Variants in RBFOX1 observed in about 807,000 individuals in gnomAD.
RBFOX1 encodes RNA binding fox-1 homolog 1.
Under a neutral mutation model 57.7 loss-of-function variants are expected in RBFOX1, and 8 were observed. The ratio of observed to expected loss-of-function variants is 0.14; its 90% confidence interval spans 0.08 to 0.25. The LOEUF (loss-of-function observed/expected upper bound fraction) is 0.25, where lower values mean the gene tolerates loss of function less well. RBFOX1 is among the 10% of genes least tolerant of loss of function. The pLI, the probability that RBFOX1 is intolerant of heterozygous loss-of-function variation, is 1.00. For synonymous variants in RBFOX1, 326 were observed against 222.4 expected (o/e 1.47, Z -4.15); for missense variants, 611 against 548.5 (o/e 1.11, Z -1.14).
At chr16:6,943,830 A>C (rs1442582357) in intron 3 of RBFOX1, among the ~76,000 whole-genome samples, 1 of 152,182 alleles carries the variant, frequency 6.6e-6, no homozygotes, top group Admixed American at 6.5e-5. Flanking sequence ...AAATAAGGCA[A>C]ACGCTGAGCT....
chr16:7,681,966 G>C (rs1343000535), intron 14 of RBFOX1, among the ~76,000 whole-genome samples: 1 of 152,124 alleles, frequency 6.6e-6, no homozygotes, highest in Non-Finnish European at 1.5e-5. Flanking sequence ...CGTATTGAAA[G>C]CAGTATCTCC....
chr16:6,266,671 G>A (rs963356622), intron 1 of RBFOX1, among the ~76,000 whole-genome samples: 42 of 150,978 alleles, frequency 2.8e-4, no homozygotes, highest in Non-Finnish European at 4.0e-4. Context: ...CTGAGATCGC[G>A]CCATTGCACT....
intron 3 of RBFOX1, among the ~76,000 whole-genome samples, chr16:6,849,104 T>C (rs1283977455): frequency 6.6e-6 from 1 of 152,140 alleles, no homozygotes; most frequent in Non-Finnish European, 1.5e-5. Context: ...CGCTCCACAT[T>C]TCTCCTTTGT....
chr16:7,396,847 A>G (rs2098147073), intron 4 of RBFOX1, among the ~76,000 whole-genome samples: 2 of 152,176 alleles, frequency 1.3e-5, no homozygotes, highest in Admixed American at 1.3e-4. Flanking sequence ...AGGCTGAGGC[A>G]TGGGAATCAC....
At chr16:6,681,443 A>G (rs1230182153) in intron 3 of RBFOX1, among the ~76,000 whole-genome samples, 2 of 152,222 alleles carry the variant, frequency 1.3e-5, no homozygotes, top group African/African-American at 2.4e-5. Flanking sequence ...AAGCTGTGTG[A>G]AGAAGAGTTC....
chr16:7,062,718 C>A (rs868717425), intron 4 of RBFOX1, among the ~76,000 whole-genome samples: 1 of 151,980 alleles, frequency 6.6e-6, no homozygotes, highest in East Asian at 1.9e-4. Context: ...AGAAAACAAG[C>A]ATGATTGAAA....
At chr16:7,047,858 A>T (rs535087760) in intron 3 of RBFOX1, among the ~76,000 whole-genome samples, 1 of 148,738 alleles carries the variant, frequency 6.7e-6, no homozygotes, top group African/African-American at 2.5e-5. Flanking sequence ...CTTCAGTGAG[A>T]TTTTATTTTA....
intron 2 of RBFOX1, among the ~76,000 whole-genome samples, chr16:6,379,960 G>A (rs1163690869): frequency 6.6e-6 from 1 of 152,188 alleles, no homozygotes; most frequent in Non-Finnish European, 1.5e-5. Context: ...ACATGATACA[G>A]CAGTGTTCCC....
At chr16:7,302,143 A>G (rs1603599723) in intron 4 of RBFOX1, among the ~76,000 whole-genome samples, 1 of 152,096 alleles carries the variant, frequency 6.6e-6, no homozygotes, top group Non-Finnish European at 1.5e-5. Context: ...TAAACATGCT[A>G]CTGTGTCCCT....
chr16:6,196,534 C>T (rs1249391753), intron 1 of RBFOX1, among the ~76,000 whole-genome samples: 2 of 152,066 alleles, frequency 1.3e-5, no homozygotes, highest in Non-Finnish European at 1.5e-5. Flanking sequence ...AATATGGATG[C>T]GTGGCTGCGA....
At chr16:5,426,576 A>C (rs1567493432) in intron 1 of RBFOX1, among the ~76,000 whole-genome samples, 1 of 152,006 alleles carries the variant, frequency 6.6e-6, no homozygotes, top group Non-Finnish European at 1.5e-5. Flanking sequence ...TTTGTTACTG[A>C]TTTCTTTGCT....
intron 2 of RBFOX1, among the ~76,000 whole-genome samples, chr16:6,399,290 A>G (rs1020750623): frequency 6.6e-6 from 1 of 152,216 alleles, no homozygotes; most frequent in Non-Finnish European, 1.5e-5. Context: ...GAAGGTGTCT[A>G]ACATGCCCTG....
intron 4 of RBFOX1, among the ~76,000 whole-genome samples, chr16:7,445,788 A>C (rs376702519): frequency 1.3e-5 from 2 of 152,300 alleles, no homozygotes; most frequent in African/African-American, 4.8e-5. Flanking sequence ...CTGATATCCC[A>C]AAAGTACCTA....
intron 4 of RBFOX1, among the ~76,000 whole-genome samples, chr16:7,204,389 C>G (rs1282842256): frequency 2.0e-5 from 3 of 149,080 alleles, no homozygotes; most frequent in African/African-American, 7.5e-5. Flanking sequence ...TACCTGAAAT[C>G]CCAGTACTTT....
intron 4 of RBFOX1, among the ~76,000 whole-genome samples, chr16:7,306,597 G>C (rs1263517959): frequency 6.6e-6 from 1 of 151,846 alleles, no homozygotes; most frequent in Non-Finnish European, 1.5e-5. Flanking sequence ...GTGTGTGTGT[G>C]TGTGTGTATT....
intron 4 of RBFOX1, among the ~76,000 whole-genome samples, chr16:7,329,940 G>C (rs1398223157): frequency 6.6e-6 from 1 of 152,078 alleles, no homozygotes; most frequent in Non-Finnish European, 1.5e-5. Context: ...ACACAGTCAC[G>C]TGTCCCTTAA....
rs867793700 is a variant in RBFOX1, at chr16:7,571,282, G to A, written c.271-8495G>A. On this transcript the variant is annotated intron_variant, in intron 5 of 15. Coordinates refer to ENST00000550418, the MANE Select transcript of RBFOX1 (RefSeq NM_018723.4). ...CATCACTAGAAGATGCCACGCAGGT[G>A]GCCTCAGTCTTGTCTCCCTAGGGTC... is the stretch of plus-strand genomic sequence containing the variant. Among the ~76,000 whole-genome samples the A allele has an allele frequency of 4.6e-5, 7 of 152,280 alleles. No homozygotes were observed. The Middle Eastern group carries it at 0.014, about 296-fold the overall frequency.
At chr16:7,496,134 C>G (rs914167341) in intron 4 of RBFOX1, among the ~76,000 whole-genome samples, 1 of 152,070 alleles carries the variant, frequency 6.6e-6, no homozygotes, top group Non-Finnish European at 1.5e-5. Context: ...AGTTTCCTCA[C>G]CTTTTTATTT....
chr16:5,648,248 G>C (rs889768856), intron 3 of RBFOX1, among the ~76,000 whole-genome samples: 1 of 152,226 alleles, frequency 6.6e-6, no homozygotes, highest in Non-Finnish European at 1.5e-5. Context: ...CTGTGTCAGA[G>C]GTTCTCAAGT....
Sources: gnomAD v4.1 joint callset for allele counts (sites outside exome capture counted in the v4.1 genomes callset) on GRCh38, gnomAD v4.1.1 for gene constraint, MANE v1.5 for transcripts, NCBI Gene and HGNC (gene_info 2026-07-23, HGNC 2026-07-21) for gene names.